The following CCDC57 variants were observed in gnomAD, a reference collection of about 807,000 sequenced individuals.
CCDC57 encodes coiled-coil domain containing 57.
Under a neutral mutation model 118.9 loss-of-function variants are expected in CCDC57, and 118 were observed. The observed-to-expected ratio is 0.99, with a 90% confidence interval of 0.86 to 1.16. The LOEUF (loss-of-function observed/expected upper bound fraction) is 1.16, where lower values mean the gene tolerates loss of function less well. Ranked by LOEUF, CCDC57 falls within the 50% of genes most tolerant of loss-of-function variation. The probability of loss-of-function intolerance (pLI) is 0.00; values close to 1 mark genes in which losing one functional copy is unlikely to be tolerated. For missense variants in CCDC57, 1,300 were observed against 1,320.7 expected (o/e 0.98, Z 0.24); for synonymous variants, 527 against 532.9 (o/e 0.99, Z 0.15).
At chr17:82,195,789 C>T (rs553560724) in intron 4 of CCDC57, among the ~76,000 whole-genome samples, 3 of 152,050 alleles carry the variant, frequency 2.0e-5, no homozygotes, top group African/African-American at 7.2e-5. Context: ...GCTGAGATGC[C>T]GGCAGTAGAA....
At chr17:82,201,461 G>A in intron 3 of CCDC57, 77 bp downstream of exon 2, 2 of 1,436,658 alleles carry the variant, frequency 1.4e-6, no homozygotes, top group Non-Finnish European at 1.8e-6. Context: ...CAGTGCTCGG[G>A]CAGCACAGCG....
chr17:82,195,657 T>C (rs888171156), intron 4 of CCDC57, among the ~76,000 whole-genome samples: 1 of 151,888 alleles, frequency 6.6e-6, no homozygotes, highest in African/African-American at 2.4e-5. Context: ...CTTATCTCCA[T>C]TGAGTCAATT....
At chr17:82,125,511 G>T (rs1180135729) in intron 19 of CCDC57, among the ~76,000 whole-genome samples, 1 of 152,034 alleles carries the variant, frequency 6.6e-6, no homozygotes, top group African/African-American at 2.4e-5. Context: ...AAGTAGCTGG[G>T]ATTACAGGCA....
At chr17:82,130,034 AC>A (rs2038093970) in intron 17 of CCDC57, among the ~76,000 whole-genome samples, 1 of 152,022 alleles carries the variant, frequency 6.6e-6, no homozygotes, top group Non-Finnish European at 1.5e-5. Flanking sequence ...CCCTATCTGT[AC>A]AAAAAAAAAT....
At chr17:82,211,880 C>T (rs1246896570) in intron 1 of CCDC57, among the ~76,000 whole-genome samples, 1 of 152,174 alleles carries the variant, frequency 6.6e-6, no homozygotes, top group Non-Finnish European at 1.5e-5. Flanking sequence ...TACCCAAAGC[C>T]CCTGCGTTTA....
At chr17:82,108,435 C>T (rs1016366548) in intron 19 of CCDC57, among the ~76,000 whole-genome samples, 6 of 152,154 alleles carry the variant, frequency 3.9e-5, no homozygotes, top group East Asian at 3.8e-4. Context: ...TAGCAGGGTC[C>T]GCCGAAAGCC....
At chr17:82,184,023 GCGCGCGCGCACACACACA>G (rs1478516311) in intron 8 of CCDC57, 91 bp from the exon 8 acceptor site, 45 of 384,008 alleles carry the variant, frequency 1.2e-4, no homozygotes, top group African/African-American at 1.1e-3. Flanking sequence ...ACATGCGCGC[GCGCGCGCGCACACACACA>G]CACACACACA....
At position 82,195,166 on chromosome 17, in the gene CCDC57, T is replaced by C. The variant is rs2048149999; in HGVS notation, c.618+97A>G. On this transcript the variant is annotated intron_variant, in intron 5 of 19. Coordinates refer to ENST00000665763, the Ensembl canonical transcript of CCDC57. ...CCTGGGCCCAAGGGATCCTCTTGCC[T>C]TGGTCTCCCAAAGTGCTGAGATGAC... is the stretch of plus-strand genomic sequence containing the variant. The C allele has an allele frequency of 4.5e-6, 4 of 888,180 alleles. No homozygotes were observed. In the South Asian group the frequency reaches 5.7e-5, roughly 13 times the overall value. The allele number at this position is 888,180 out of a possible 1,614,324, so 55.0% of individuals were successfully genotyped here.
intron 19 of CCDC57, among the ~76,000 whole-genome samples, chr17:82,105,962 T>C (rs532157824): frequency 1.3e-5 from 2 of 152,190 alleles, no homozygotes; most frequent in Non-Finnish European, 2.9e-5. Flanking sequence ...CTGCTGGCCT[T>C]TGGAGCAGAG....
chr17:82,179,156 C>T, exon 10 of CCDC57: 11 of 1,613,966 alleles, frequency 6.8e-6, no homozygotes, highest in Non-Finnish European at 9.3e-6. Flanking sequence ...GGCTCCGCTC[C>T]CTTTCCACTG....
At chr17:82,189,775 C>T (rs1695308047) in intron 7 of CCDC57, among the ~76,000 whole-genome samples, 2 of 152,136 alleles carry the variant, frequency 1.3e-5, no homozygotes, top group South Asian at 4.1e-4. Context: ...ATTGCTCGAA[C>T]CCGGGAGGCA....
intron 13 of CCDC57, among the ~76,000 whole-genome samples, chr17:82,168,364 G>A (rs115070887): frequency 0.013 from 1,907 of 152,292 alleles, 42 homozygotes; most frequent in African/African-American, 0.043. Context: ...GGAGGCCAGC[G>A]CAAGTGGATC....
intron 19 of CCDC57, among the ~76,000 whole-genome samples, chr17:82,114,768 T>C (rs1335317972): frequency 6.6e-6 from 1 of 152,250 alleles, no homozygotes; most frequent in Admixed American, 6.5e-5. Context: ...ACATGACTCT[T>C]AGCTGGAGGG....
chr17:82,179,447 G>T (rs916651623), intron 9 of CCDC57, among the ~76,000 whole-genome samples: 6 of 152,228 alleles, frequency 3.9e-5, no homozygotes, highest in African/African-American at 1.4e-4. Context: ...AAAACCAGAA[G>T]AGCCAGCATG....
chr17:82,131,330 C>T (rs1238102153), intron 17 of CCDC57, among the ~76,000 whole-genome samples: 1 of 151,858 alleles, frequency 6.6e-6, no homozygotes, highest in Non-Finnish European at 1.5e-5. Context: ...GCTCAGAAGG[C>T]TGAGGCAGGA....
At chr17:82,184,888 G>C (rs1267174056) in intron 8 of CCDC57, 1 of 152,326 alleles carries the variant, frequency 6.6e-6, no homozygotes, top group Non-Finnish European at 1.5e-5. Flanking sequence ...CTCTGGCAAT[G>C]TGGGCTGACA....
At chr17:82,112,843 G>A (rs1283514988) in intron 19 of CCDC57, 4 of 152,862 alleles carry the variant, frequency 2.6e-5, no homozygotes, top group Non-Finnish European at 4.4e-5. Context: ...TGGGGATCTC[G>A]GTCTTGTTTG....
At chr17:82,194,372 G>A (rs1169059363) in intron 5 of CCDC57, 6 of 414,410 alleles carry the variant, frequency 1.4e-5, no homozygotes, top group Non-Finnish European at 2.6e-5. Flanking sequence ...GTGCAATGGC[G>A]TGATCTCGGC....
rs893190509 is a variant in CCDC57 at position 82,118,319 on chromosome 17, T to C, written c.2899+9373A>G. 1.8e-4 allele frequency among the ~76,000 whole-genome samples: 27 copies of C among 152,012 alleles called. No individual in the cohort carries two copies. The highest frequency in any genetic ancestry group is 6.3e-4 in the African/African-American group (26 of 41,470). On this transcript the variant is annotated intron_variant, in intron 19 of 19. Coordinates refer to ENST00000665763, the Ensembl canonical transcript of CCDC57. The surrounding 1 kb of genome is among the most constrained non-coding windows in gnomAD (Gnocchi z 4.7). ...CACAGTCCACTGAAACCCAGTGTGG[T>C]GTTATCCATTAGCGCAGGACTGAAA...
Sources: allele counts gnomAD v4.1 joint callset (sites outside exome capture counted in the v4.1 genomes callset), GRCh38; gene constraint gnomAD v4.1.1; non-coding constraint Gnocchi (gnomAD v3.1); transcripts MANE v1.5; gene names NCBI Gene and HGNC (gene_info 2026-07-23, HGNC 2026-07-21).